The following PHKB variants were observed in gnomAD, a reference collection of about 807,000 sequenced individuals.
PHKB encodes phosphorylase b kinase regulatory subunit beta.
In PHKB, 122 loss-of-function variants were observed where a neutral mutation model predicts 152.1. The observed-to-expected ratio is 0.80, with a 90% CI of 0.69 to 0.93. PHKB has a LOEUF of 0.93. Ranked by LOEUF, PHKB falls within the 40% of genes least tolerant of loss-of-function variation. The probability of loss-of-function intolerance (pLI) is 0.00; values close to 1 mark genes in which losing one functional copy is unlikely to be tolerated. For missense variants in PHKB, 1,304 were observed against 1,328.4 expected, an observed-to-expected ratio of 0.98 and a Z score of 0.29; for synonymous variants, 436 against 464.9, an observed-to-expected ratio of 0.94 and a Z score of 0.80.
At chr16:47,693,601 A>G in intron 28 of PHKB, 94 bp downstream of exon 28, 1 of 1,289,184 alleles carries the variant, frequency 7.8e-7, no homozygotes, top group Non-Finnish European at 1.1e-6. Context: ...TCTCCTTTTC[A>G]GCGTTCTAAG....
Position 47,511,751 on chromosome 16 carries a change from T to C in PHKB, c.492T>C (p.Tyr164=). The change falls in exon 5 of 31, where the codon TAT becomes TAC. Residue 164 remains tyrosine, a synonymous_variant. Coordinates refer to ENST00000323584, the MANE Select transcript of PHKB (RefSeq NM_000293.3). ...ATACAGGAGATGAGTTGCTTTCCTA[T>C]GAGGAATATGGTCATCTTCAGGTAA... ...NVHTGDELLS[Y]EEYGHLQINA... is the part of the protein sequence containing the mutation. The C allele has an allele frequency of 1.9e-6, 3 of 1,592,450 alleles. No individual in the cohort carries two copies. Among genetic ancestry groups the C allele is most frequent in the Non-Finnish European group, 2.6e-6 (3 of 1,160,266 alleles).
intron 4 of PHKB, among the ~76,000 whole-genome samples, chr16:47,507,170 C>G (rs1463509537): frequency 6.6e-6 from 1 of 152,160 alleles, no homozygotes; most frequent in African/African-American, 2.4e-5. Flanking sequence ...GACAGGGTTT[C>G]TCCATGTTTC....
intron 7 of PHKB, among the ~76,000 whole-genome samples, chr16:47,557,974 G>T (rs1971407005): frequency 6.6e-6 from 1 of 151,766 alleles, no homozygotes. Context: ...GCAAAGACTT[G>T]GAACCAACCC....
At chr16:47,564,270 C>T (rs1288408819) in intron 7 of PHKB, among the ~76,000 whole-genome samples, 1 of 151,658 alleles carries the variant, frequency 6.6e-6, no homozygotes, top group African/African-American at 2.4e-5. Context: ...TCATAAATAT[C>T]GTACTAACTT....
At chr16:47,579,962 T>C (rs1305580904) in intron 7 of PHKB, among the ~76,000 whole-genome samples, 1 of 152,144 alleles carries the variant, frequency 6.6e-6, no homozygotes, top group Non-Finnish European at 1.5e-5. Flanking sequence ...ACTGCACTTA[T>C]CATCATAATA....
At chr16:47,518,244 T>C (rs939174409) in intron 6 of PHKB, among the ~76,000 whole-genome samples, 12 of 152,192 alleles carry the variant, frequency 7.9e-5, no homozygotes, top group Admixed American at 6.5e-5. Flanking sequence ...GATTGAAGAA[T>C]TCAGAGTTTG....
At chr16:47,610,710 G>A (rs944538609) in intron 13 of PHKB, 116 bp from the exon 14 acceptor site, 8 of 715,560 alleles carry the variant, frequency 1.1e-5, no homozygotes, top group Non-Finnish European at 1.8e-5. Context: ...GATGTTTCAT[G>A]TACACTGAGA....
chr16:47,547,258 A>G (rs375323883), intron 6 of PHKB, among the ~76,000 whole-genome samples, 175 bp from the exon 7 acceptor site: 1 of 151,822 alleles, frequency 6.6e-6, no homozygotes, highest in African/African-American at 2.4e-5. Context: ...TAATTTTTGT[A>G]TTTTTTAGTA....
At chr16:47,518,945 T>C (rs1232763299) in intron 6 of PHKB, among the ~76,000 whole-genome samples, 1 of 152,190 alleles carries the variant, frequency 6.6e-6, no homozygotes, top group Non-Finnish European at 1.5e-5. Flanking sequence ...AAGAAAGAAA[T>C]CATTTAGAAG....
intron 7 of PHKB, chr16:47,565,976 G>T: frequency 1.2e-6 from 1 of 806,258 alleles, no homozygotes; most frequent in Non-Finnish European, 2.0e-6. Context: ...CATCTCTGGA[G>T]CTCTATGACC....
intron 1 of PHKB, among the ~76,000 whole-genome samples, chr16:47,493,030 G>A (rs1970176262): frequency 1.3e-5 from 2 of 152,176 alleles, no homozygotes; most frequent in South Asian, 2.1e-4. Context: ...GCTGGCTTCC[G>A]CCTCATAGAT....
intron 26 of PHKB, among the ~76,000 whole-genome samples, chr16:47,678,104 A>AT (rs1262937759): frequency 6.6e-6 from 1 of 151,896 alleles, no homozygotes; most frequent in Non-Finnish European, 1.5e-5. Context: ...TGAACTCATC[A>AT]TTTTTTATGG....
chr16:47,632,061 A>G (rs983406006), intron 14 of PHKB, among the ~76,000 whole-genome samples: 8 of 152,124 alleles, frequency 5.3e-5, no homozygotes, highest in African/African-American at 9.7e-5. Flanking sequence ...ATGGATGTCT[A>G]TGCTTCTTTC....
intron 1 of PHKB, among the ~76,000 whole-genome samples, chr16:47,471,933 G>A (rs1380011462): frequency 6.6e-6 from 1 of 152,170 alleles, no homozygotes; most frequent in Admixed American, 6.5e-5. Context: ...GCGGGCGCCT[G>A]TAGTCCCAGC....
chr16:47,540,669 C>T lies in PHKB; in HGVS notation c.595-6764C>T, dbSNP rs145383347. Among the ~76,000 whole-genome samples the T allele has an allele frequency of 4.5e-3, 679 of 151,944 alleles. 2 individuals carry two copies. The highest frequency in any genetic ancestry group is 0.01 in the Middle Eastern group (3 of 294). ...AGAACCTACATTGAAATATTGGGGA[C>T]GGGTTCCCCCAATAAAATACTGGGG... On this transcript the variant is annotated intron_variant, in intron 6 of 30. Transcript: ENST00000323584.
chr16:47,583,687 A>G (rs1482775439), intron 8 of PHKB, among the ~76,000 whole-genome samples: 2 of 152,196 alleles, frequency 1.3e-5, no homozygotes, highest in African/African-American at 4.8e-5. Context: ...ATCACACCAC[A>G]CAGGGGCAAA....
At chr16:47,593,379 G>C (rs1972064502) in intron 10 of PHKB, 121 bp from the exon 11 acceptor site, 1 of 649,714 alleles carries the variant, frequency 1.5e-6, no homozygotes, top group African/African-American at 1.8e-5. Context: ...GGGCAAGGCT[G>C]CAGAGAGCCG....
At chr16:47,578,499 C>T (rs758760629) in intron 7 of PHKB, among the ~76,000 whole-genome samples, 6 of 152,134 alleles carry the variant, frequency 3.9e-5, no homozygotes, top group Non-Finnish European at 5.9e-5. Flanking sequence ...GGGCACATCA[C>T]CTCATTACTG....
intron 6 of PHKB, among the ~76,000 whole-genome samples, chr16:47,528,756 G>A (rs534459698): frequency 2.2e-4 from 33 of 150,872 alleles, no homozygotes; most frequent in African/African-American, 7.8e-4. Flanking sequence ...GAGTGCAGTG[G>A]CATGATCTCA....
Sources: gnomAD v4.1 joint callset for allele counts (sites outside exome capture counted in the v4.1 genomes callset) on GRCh38, gnomAD v4.1.1 for gene constraint, MANE v1.5 for transcripts, NCBI Gene and HGNC (gene_info 2026-07-23, HGNC 2026-07-21) for gene names.